DAB1: variants seen among roughly 807,000 people sequenced by gnomAD.
DAB1 encodes DAB adaptor protein 1.
DAB1 carries 15 observed loss-of-function variants against 64.6 expected under a neutral mutation model. The ratio of observed to expected loss-of-function variants is 0.23; its 90% CI spans 0.16 to 0.36. The LOEUF (loss-of-function observed/expected upper bound fraction) is 0.36. DAB1 is among the 10% of genes least tolerant of loss of function. DAB1 has a pLI of 1.00. For synonymous variants in DAB1, 235 were observed against 251.9 expected, an observed-to-expected ratio of 0.93 and a Z score of 0.64; for missense variants, 596 against 706.7, an observed-to-expected ratio of 0.84 and a Z score of 1.78.
intron 5 of DAB1, among the ~76,000 whole-genome samples, chr1:57,900,124 G>T (rs996738334): frequency 2.0e-5 from 3 of 151,928 alleles, no homozygotes; most frequent in African/African-American, 7.3e-5. Flanking sequence ...GTTTTTCAGG[G>T]GTGGTTTTAT....
intron 7 of DAB1, among the ~76,000 whole-genome samples, chr1:57,583,797 A>G (rs1344544030): frequency 3.3e-5 from 5 of 152,198 alleles, no homozygotes; most frequent in Non-Finnish European, 7.4e-5. Flanking sequence ...GAATCTTGTC[A>G]GGTAATCATA....
chr1:57,502,318 C>CAAAAAAA (rs10649147), intron 7 of DAB1, among the ~76,000 whole-genome samples: 7 of 94,186 alleles, frequency 7.4e-5, no homozygotes, highest in Non-Finnish European at 1.3e-4. Context: ...GAGTCCGTCT[C>CAAAAAAA]AAAAAAAAAA....
chr1:58,263,427 T>C (rs1221640510), intron 4 of DAB1, among the ~76,000 whole-genome samples: 1 of 152,186 alleles, frequency 6.6e-6, no homozygotes, highest in East Asian at 1.9e-4. Context: ...TAATGTCCTG[T>C]TCATCTCAGG....
chr1:58,373,174 T>TC (rs1219808095), intron 3 of DAB1, among the ~76,000 whole-genome samples: 2 of 151,978 alleles, frequency 1.3e-5, no homozygotes, highest in Admixed American at 6.6e-5. Context: ...ATTTTCTTTT[T>TC]TTTTTTTTTA....
chr1:57,016,997 T>TC (rs1259108210), intron 11 of DAB1, among the ~76,000 whole-genome samples: 1 of 152,046 alleles, frequency 6.6e-6, no homozygotes, highest in African/African-American at 2.4e-5. Flanking sequence ...AGGTTGTCTG[T>TC]CCCCCCAAAG....
At chr1:58,071,745 C>T (rs1320960914) in intron 5 of DAB1, 1 of 152,104 alleles carries the variant, frequency 6.6e-6, no homozygotes, top group African/African-American at 2.4e-5. Context: ...TAGGAACAGT[C>T]AAGAAATGCA....
intron 1 of DAB1, among the ~76,000 whole-genome samples, chr1:57,872,027 T>C (rs1268753797): frequency 2.0e-5 from 3 of 152,112 alleles, no homozygotes; most frequent in Non-Finnish European, 4.4e-5. Flanking sequence ...ATCTGTAAAA[T>C]GGAGTTAACA....
chr1:57,717,548 T>A (rs1195833034), intron 6 of DAB1, among the ~76,000 whole-genome samples: 1 of 152,134 alleles, frequency 6.6e-6, no homozygotes, highest in Non-Finnish European at 1.5e-5. Flanking sequence ...TACTATATGA[T>A]CCAGCAGTTC....
chr1:57,564,330 T>C (rs558681252), intron 7 of DAB1, among the ~76,000 whole-genome samples: 1 of 151,990 alleles, frequency 6.6e-6, no homozygotes, highest in East Asian at 1.9e-4. Flanking sequence ...ACCACAAAGA[T>C]GGGGAAAAAA....
intron 4 of DAB1, among the ~76,000 whole-genome samples, chr1:58,229,338 G>C (rs1239900735): frequency 1.3e-5 from 2 of 152,182 alleles, no homozygotes; most frequent in Non-Finnish European, 2.9e-5. Context: ...TTGAAAAATA[G>C]GTACGAGTAA....
At chr1:57,857,866 AGAAAAAAG>A (rs1300645276) in intron 1 of DAB1, among the ~76,000 whole-genome samples, 4 of 150,932 alleles carry the variant, frequency 2.7e-5, no homozygotes, top group Non-Finnish European at 4.4e-5. Context: ...AAAAAAAAAA[AGAAAAAAG>A]AAAAAAAAAA....
At chr1:57,665,153 T>C (rs1646431248) in intron 6 of DAB1, among the ~76,000 whole-genome samples, 1 of 151,864 alleles carries the variant, frequency 6.6e-6, no homozygotes, top group Non-Finnish European at 1.5e-5. Flanking sequence ...GTTAAGTAAA[T>C]TGACAAGAAT....
At chr1:57,366,917 T>A (rs1680045484) in intron 1 of DAB1, among the ~76,000 whole-genome samples, 1 of 151,638 alleles carries the variant, frequency 6.6e-6, no homozygotes, top group African/African-American at 2.4e-5. Flanking sequence ...ACTATATAAA[T>A]CACACAAGGC....
At chr1:57,062,062 A>C (rs939489335) in intron 9 of DAB1, among the ~76,000 whole-genome samples, 1 of 152,156 alleles carries the variant, frequency 6.6e-6, no homozygotes, top group Non-Finnish European at 1.5e-5. Flanking sequence ...TTATGTATAG[A>C]GGTTGCCTTC....
chr1:57,169,590 A>G (rs1214063262), intron 2 of DAB1, among the ~76,000 whole-genome samples: 1 of 152,134 alleles, frequency 6.6e-6, no homozygotes, highest in African/African-American at 2.4e-5. Context: ...CCTTCTGTGT[A>G]CTTCCTCATA....
intron 4 of DAB1, among the ~76,000 whole-genome samples, chr1:58,312,309 C>A (rs1662448371): frequency 6.6e-6 from 1 of 152,090 alleles, no homozygotes; most frequent in Non-Finnish European, 1.5e-5. Flanking sequence ...TCTAATAAAC[C>A]CTGAATTTTA....
At chr1:58,144,794 G>C (rs1435176836) in intron 5 of DAB1, among the ~76,000 whole-genome samples, 1 of 152,206 alleles carries the variant, frequency 6.6e-6, no homozygotes, top group African/African-American at 2.4e-5. Flanking sequence ...TGATTGCCCA[G>C]GTCAGAGTTG....
At chr1:57,483,166 C>T (rs931220355) in intron 7 of DAB1, among the ~76,000 whole-genome samples, 1 of 152,094 alleles carries the variant, frequency 6.6e-6, no homozygotes, top group Non-Finnish European at 1.5e-5. Flanking sequence ...ATTATTTCCT[C>T]AATTGATCTT....
At chr1:58,372,550 T>C (rs989911673) in intron 3 of DAB1, among the ~76,000 whole-genome samples, 2 of 152,166 alleles carry the variant, frequency 1.3e-5, no homozygotes, top group Admixed American at 1.3e-4. Context: ...GAAGGCATGA[T>C]TGGTTGTGAA....
Sources: allele counts gnomAD v4.1 joint callset (sites outside exome capture counted in the v4.1 genomes callset), GRCh38; gene constraint gnomAD v4.1.1; transcripts MANE v1.5; gene names NCBI Gene and HGNC (gene_info 2026-07-23, HGNC 2026-07-21).